RPS6KA5: variants seen among roughly 807,000 people sequenced by gnomAD.
RPS6KA5 encodes the protein ribosomal protein S6 kinase A5, also known as ribosomal protein S6 kinase alpha-5.
RPS6KA5 carries 27 observed loss-of-function variants against 85.5 expected under a neutral mutation model. That is an observed-to-expected ratio of 0.32 (90% CI 0.23 to 0.44). The LOEUF (loss-of-function observed/expected upper bound fraction) is 0.44, where lower values mean the gene tolerates loss of function less well. Among genes scored for constraint, RPS6KA5 ranks in the 20% least tolerant of loss-of-function variants. The pLI is 1.00. For synonymous variants in RPS6KA5, 334 were observed against 348.2 expected, an observed-to-expected ratio of 0.96 and a Z score of 0.46; for missense variants, 811 against 980.9, an observed-to-expected ratio of 0.83 and a Z score of 2.31.
Position 90,860,922 on chromosome 14 carries a change from G to T in RPS6KA5, c.*11152C>A, listed in dbSNP as rs1480603739. 8.7e-5 allele frequency: 12 copies of T among 137,934 alleles called. No individual in the cohort carries two copies. The highest frequency in any genetic ancestry group is 8.3e-4 in the Admixed American group (11 of 13,186). 8.5% of individuals were successfully genotyped at this position (137,934 alleles called of 1,614,324 possible). On this transcript the variant is annotated 3_prime_UTR_variant, in exon 17 of 17. Transcript: ENST00000614987. ...TTTTTTTTTTTTGAGATGGAGTTTC[G>T]CTCTTGTTGCCCAATCTGGAGTGCA...
intron 1 of RPS6KA5, among the ~76,000 whole-genome samples, chr14:91,051,436 A>C (rs887206618): frequency 5.3e-5 from 8 of 152,048 alleles, no homozygotes; most frequent in African/African-American, 1.9e-4. Flanking sequence ...TTTAAAATAC[A>C]ACAACAATAA....
chr14:90,944,782 G>A (rs572724531), intron 4 of RPS6KA5, among the ~76,000 whole-genome samples: 3 of 151,246 alleles, frequency 2.0e-5, no homozygotes, highest in East Asian at 2.0e-4. Context: ...AGCTGGGTGT[G>A]GTGGCACACA....
intron 1 of RPS6KA5, among the ~76,000 whole-genome samples, chr14:91,042,205 T>G (rs1468862410): frequency 1.3e-5 from 2 of 152,180 alleles, no homozygotes; most frequent in African/African-American, 4.8e-5. Flanking sequence ...CTTTCTGTGT[T>G]TTTCCATATC....
At chr14:90,914,160 T>C (rs1370385820) in intron 7 of RPS6KA5, among the ~76,000 whole-genome samples, 1 of 150,614 alleles carries the variant, frequency 6.6e-6, no homozygotes, top group African/African-American at 2.4e-5. Flanking sequence ...TGCACAGAGG[T>C]GGCGGCAAAG....
intron 3 of RPS6KA5, among the ~76,000 whole-genome samples, chr14:90,965,352 C>T (rs963311933): frequency 1.3e-5 from 2 of 151,974 alleles, no homozygotes; most frequent in Admixed American, 6.6e-5. Flanking sequence ...ACAGCCTGAG[C>T]GACAGAGCGA....
At chr14:90,968,780 T>G (rs894574743) in intron 3 of RPS6KA5, among the ~76,000 whole-genome samples, 40 of 152,340 alleles carry the variant, frequency 2.6e-4, no homozygotes, top group African/African-American at 9.6e-4. Context: ...TTTGGGTTAG[T>G]TATGCAGAAA....
intron 3 of RPS6KA5, among the ~76,000 whole-genome samples, chr14:90,961,133 A>C (rs1037127058): frequency 3.3e-5 from 5 of 152,202 alleles, no homozygotes; most frequent in African/African-American, 1.2e-4. Flanking sequence ...AAAGAATAAC[A>C]ATAGCAACTA....
At chr14:90,889,496 G>C (rs2034433482) in intron 14 of RPS6KA5, among the ~76,000 whole-genome samples, 1 of 151,930 alleles carries the variant, frequency 6.6e-6, no homozygotes. Flanking sequence ...TCTTTTAGAA[G>C]GAAATCCAGG....
At position 90,855,244 on chromosome 14, in the gene RPS6KA5, T is replaced by C. The variant is rs1251222526; in HGVS notation, c.*16830A>G. The C allele has an allele frequency of 1.3e-5, 2 of 152,230 alleles. No homozygotes were observed. Among genetic ancestry groups the C allele is most frequent in the Non-Finnish European group, 1.5e-5 (1 of 68,040 alleles). 9.4% of individuals were successfully genotyped at this position (152,230 alleles called of 1,614,324 possible). A position where few individuals can be genotyped will look rare whatever the true frequency, so the allele number is the denominator to read the frequency against. On this transcript the variant is annotated 3_prime_UTR_variant, in exon 17 of 17. Coordinates refer to ENST00000614987, the MANE Select transcript of RPS6KA5 (RefSeq NM_004755.4). Reference sequence around the variant, plus strand: ...AAAATCATGAATGGCATTAATTTTCTGCTATTTTAAAGGTATTATGTTTGA... The same window carrying C: ...AAAATCATGAATGGCATTAATTTTCCGCTATTTTAAAGGTATTATGTTTGA...
Position 90,930,784 on chromosome 14 carries a change from C to T in RPS6KA5, c.619-7588G>A, listed in dbSNP as rs558980672. On this transcript the variant is annotated intron_variant, in intron 5 of 16. Transcript: ENST00000614987. ...ATGGTTAACAGCATATGAAAAGATGCTCAACATCACTAATGATTAGAGATA... is the reference window on the plus strand; with the variant it reads ...ATGGTTAACAGCATATGAAAAGATGTTCAACATCACTAATGATTAGAGATA... Among the ~76,000 whole-genome samples the T allele has an allele frequency of 2.6e-5, 4 of 152,250 alleles. No individual in the cohort carries two copies. In the East Asian group the frequency reaches 5.8e-4, roughly 22 times the overall value.
intron 7 of RPS6KA5, among the ~76,000 whole-genome samples, chr14:90,914,490 T>A (rs2036007546): frequency 6.6e-6 from 1 of 151,934 alleles, no homozygotes; most frequent in Non-Finnish European, 1.5e-5. Flanking sequence ...AATTTTTTAA[T>A]CTTTAGTAGA....
At chr14:90,960,967 T>C (rs1201019966) in intron 3 of RPS6KA5, among the ~76,000 whole-genome samples, 2 of 152,230 alleles carry the variant, frequency 1.3e-5, no homozygotes, top group Non-Finnish European at 1.5e-5. Context: ...TATACACTCC[T>C]GGCTACTGAC....
At position 90,867,626 on chromosome 14, in the gene RPS6KA5, G is replaced by C. The variant is rs1311990704; in HGVS notation, c.*4448C>G. Reference sequence around the variant, plus strand: ...CTTAAGCCTGATGAATAACTACTAAGAATCTTGTCTTTTAATACAAGTCTC... The same window carrying C: ...CTTAAGCCTGATGAATAACTACTAACAATCTTGTCTTTTAATACAAGTCTC... On this transcript the variant is annotated 3_prime_UTR_variant, in exon 17 of 17. Transcript: ENST00000614987. 6.6e-6 allele frequency: 1 copy of C among 152,046 alleles called. No homozygotes were observed. Among genetic ancestry groups the C allele is most frequent in the East Asian group, 1.9e-4 (1 of 5,194 alleles). The allele number at this position is 152,046 out of a possible 1,614,324, so 9.4% of individuals were successfully genotyped here. A position where few individuals can be genotyped will look rare whatever the true frequency, so the allele number is the denominator to read the frequency against.
chr14:91,040,564 T>C (rs1031685103), intron 1 of RPS6KA5, among the ~76,000 whole-genome samples: 1 of 152,122 alleles, frequency 6.6e-6, no homozygotes, highest in African/African-American at 2.4e-5. Flanking sequence ...AGAAAGGGTC[T>C]TGAAAACCTG....
At chr14:90,991,939 C>T (rs1595421297) in intron 2 of RPS6KA5, among the ~76,000 whole-genome samples, 1 of 151,996 alleles carries the variant, frequency 6.6e-6, no homozygotes, top group South Asian at 2.1e-4. Flanking sequence ...AAATATTCCA[C>T]AGTCTTCAAG....
chr14:90,950,127 G>A (rs1297338097), intron 3 of RPS6KA5, among the ~76,000 whole-genome samples: 1 of 152,144 alleles, frequency 6.6e-6, no homozygotes, highest in African/African-American at 2.4e-5. Flanking sequence ...ATGTTTTGTA[G>A]TTTTCAGAGC....
intron 2 of RPS6KA5, among the ~76,000 whole-genome samples, chr14:90,983,191 C>T (rs1476597010): frequency 2.0e-5 from 3 of 149,754 alleles, no homozygotes; most frequent in African/African-American, 4.9e-5. Context: ...GCAGGAGAAT[C>T]GCTTTAACCC....
intron 11 of RPS6KA5, 21 bp downstream of exon 11, chr14:90,900,087 T>C (rs1332700861): frequency 1.3e-6 from 2 of 1,556,522 alleles, no homozygotes; most frequent in Admixed American, 3.8e-5. Flanking sequence ...AGAAAGAATA[T>C]TATATTAAAA....
At chr14:91,032,187 A>G (rs182743923) in intron 1 of RPS6KA5, among the ~76,000 whole-genome samples, 2 of 152,300 alleles carry the variant, frequency 1.3e-5, no homozygotes, top group Admixed American at 1.3e-4. Context: ...AAGTCTAGTA[A>G]AGAGGATTTC....
Sources: allele counts gnomAD v4.1 joint callset (sites outside exome capture counted in the v4.1 genomes callset), GRCh38; gene constraint gnomAD v4.1.1; transcripts MANE v1.5; gene names NCBI Gene and HGNC (gene_info 2026-07-23, HGNC 2026-07-21).